CCNY: variants seen among roughly 807,000 people sequenced by gnomAD.
CCNY encodes the protein cyclin Y.
CCNY carries 19 observed loss-of-function variants against 42.8 expected under a neutral mutation model. The ratio of observed to expected loss-of-function variants is 0.44; its 90% CI spans 0.31 to 0.65. The LOEUF (loss-of-function observed/expected upper bound fraction) is 0.65. CCNY is among the 30% of genes least tolerant of loss of function. The pLI is 0.07. For synonymous variants in CCNY, 165 were observed against 162.7 expected (o/e 1.01, Z -0.11); for missense variants, 370 against 437.3 (o/e 0.85, Z 1.37).
At chr10:35,525,635 A>G (rs1405824425) in intron 4 of CCNY, among the ~76,000 whole-genome samples, 1 of 151,928 alleles carries the variant, frequency 6.6e-6, no homozygotes, top group Non-Finnish European at 1.5e-5. Flanking sequence ...TTTTCTTTAT[A>G]CCACCTATTT....
chr10:35,396,710 G>A (rs552539737), intron 1 of CCNY, among the ~76,000 whole-genome samples: 1 of 152,314 alleles, frequency 6.6e-6, no homozygotes, highest in Non-Finnish European at 1.5e-5. Context: ...TGCTGGGCCA[G>A]GCACTCCTAC....
chr10:35,336,977 C>G lies in CCNY; in HGVS notation c.-77C>G, dbSNP rs1480239286. 5.9e-6 allele frequency: 7 copies of G among 1,191,212 alleles called. No individual in the cohort carries two copies. Among genetic ancestry groups the G allele is most frequent in the Non-Finnish European group, 7.5e-6 (7 of 935,650 alleles). The allele number at this position is 1,191,212 out of a possible 1,614,324, so 73.8% of individuals were successfully genotyped here. On this transcript the variant is annotated 5_prime_UTR_variant, in exon 1 of 10. Coordinates refer to ENST00000374704, the MANE Select transcript of CCNY (RefSeq NM_145012.6). ...CCTCCCCACACGCCCCCGCCGCCCGCGCCCCGCGTCCACCCGCGCCCCGCT... is the reference window on the plus strand; with the variant it reads ...CCTCCCCACACGCCCCCGCCGCCCGGGCCCCGCGTCCACCCGCGCCCCGCT...
intron 3 of CCNY, among the ~76,000 whole-genome samples, chr10:35,258,409 G>A (rs2095717058): frequency 6.6e-6 from 1 of 152,108 alleles, no homozygotes; most frequent in African/African-American, 2.4e-5. Context: ...TTTAGTATCT[G>A]ACTCCCAAGG....
chr10:35,416,884 C>G (rs1838036096), intron 1 of CCNY, among the ~76,000 whole-genome samples: 2 of 152,070 alleles, frequency 1.3e-5, no homozygotes, highest in Admixed American at 6.6e-5. Context: ...CTAGAGGAAA[C>G]CAGGGAAGAG....
chr10:35,269,635 TG>T (rs1318618092), intron 3 of CCNY, among the ~76,000 whole-genome samples: 6 of 145,074 alleles, frequency 4.1e-5, no homozygotes, highest in South Asian at 2.2e-4. Context: ...TTTTTTGTTT[TG>T]TTTTTTTTTT....
At chr10:35,440,118 G>A (rs969212309) in intron 1 of CCNY, among the ~76,000 whole-genome samples, 11 of 152,142 alleles carry the variant, frequency 7.2e-5, no homozygotes, top group African/African-American at 2.2e-4. Context: ...AGCCACAGTC[G>A]TTTTTGGCGC....
chr10:35,442,014 G>A (rs1838681003), intron 1 of CCNY, among the ~76,000 whole-genome samples: 1 of 152,188 alleles, frequency 6.6e-6, no homozygotes, highest in Non-Finnish European at 1.5e-5. Flanking sequence ...TTAAAACGAT[G>A]ACATAATTTG....
At chr10:35,481,225 A>G (rs1218776212) in intron 1 of CCNY, among the ~76,000 whole-genome samples, 1 of 152,172 alleles carries the variant, frequency 6.6e-6, no homozygotes, top group Non-Finnish European at 1.5e-5. Context: ...TGATAGTACT[A>G]TTATTTACTA....
intron 1 of CCNY, among the ~76,000 whole-genome samples, chr10:35,454,986 T>C (rs1320031339): frequency 2.0e-5 from 3 of 152,192 alleles, no homozygotes; most frequent in Non-Finnish European, 2.9e-5. Context: ...CAGTGTACCT[T>C]CCATTCCATA....
chr10:35,469,965 CAG>C (rs1345283889), intron 1 of CCNY, among the ~76,000 whole-genome samples: 2 of 134,014 alleles, frequency 1.5e-5, no homozygotes, highest in African/African-American at 5.8e-5. Flanking sequence ...GATGGAGAGA[CAG>C]ACAGGGAGAT....
chr10:35,279,839 G>C (rs766678633), intron 3 of CCNY, among the ~76,000 whole-genome samples: 1 of 152,212 alleles, frequency 6.6e-6, no homozygotes, highest in African/African-American at 2.4e-5. Context: ...GATCAAGTTT[G>C]AAAGATCACA....
intron 3 of CCNY, among the ~76,000 whole-genome samples, chr10:35,291,299 C>A (rs138907593): frequency 6.6e-6 from 1 of 152,002 alleles, no homozygotes; most frequent in South Asian, 2.1e-4. Flanking sequence ...GAGTCATTCC[C>A]GGCCTAATAT....
At chr10:35,332,135 C>A (rs1233921838), upstream of CCNY, among the ~76,000 whole-genome samples, 1 of 152,138 alleles carries the variant, frequency 6.6e-6, no homozygotes, top group Non-Finnish European at 1.5e-5. Flanking sequence ...GAGAGGAGGT[C>A]GGTGACAGGA....
chr10:35,307,809 TA>T (rs1835629691), intron 3 of CCNY, among the ~76,000 whole-genome samples: 6 of 74,496 alleles, frequency 8.1e-5, no homozygotes, highest in African/African-American at 2.5e-4. Flanking sequence ...TGTATATATA[TA>T]TATATATATT....
At chr10:35,566,241 G>A in intron 9 of CCNY, 56 bp downstream of exon 9, 1 of 1,527,968 alleles carries the variant, frequency 6.5e-7, no homozygotes, top group Non-Finnish European at 8.9e-7. Flanking sequence ...CATCATCTGA[G>A]TACCAGAGAT....
chr10:35,257,316 T>G (rs1210466986), intron 3 of CCNY, among the ~76,000 whole-genome samples: 2 of 136,344 alleles, frequency 1.5e-5, no homozygotes, highest in Non-Finnish European at 3.3e-5. Flanking sequence ...TTTCTTTCTG[T>G]TTTTTTTTTT....
At chr10:35,544,497 C>T (rs1841071628) in intron 7 of CCNY, among the ~76,000 whole-genome samples, 1 of 152,144 alleles carries the variant, frequency 6.6e-6, no homozygotes, top group African/African-American at 2.4e-5. Flanking sequence ...GGTATTCCCA[C>T]AAGGATTGAA....
intron 1 of CCNY, among the ~76,000 whole-genome samples, chr10:35,349,080 G>A (rs886636825): frequency 6.6e-6 from 1 of 152,132 alleles, no homozygotes; most frequent in African/African-American, 2.4e-5. Flanking sequence ...CCGCCTTTTT[G>A]TGTATCAGCG....
intron 1 of CCNY, among the ~76,000 whole-genome samples, chr10:35,389,698 A>G (rs1485015699): frequency 1.3e-5 from 2 of 152,106 alleles, no homozygotes; most frequent in East Asian, 1.9e-4. Flanking sequence ...TGGCCTCCCA[A>G]GGTGCTGGGA....
Sources: gnomAD v4.1 joint callset for allele counts (sites outside exome capture counted in the v4.1 genomes callset) on GRCh38, gnomAD v4.1.1 for gene constraint, MANE v1.5 for transcripts, NCBI Gene and HGNC (gene_info 2026-07-23, HGNC 2026-07-21) for gene names.